H1-2: variants seen among roughly 807,000 people sequenced by gnomAD.
The protein encoded by H1-2 is histone H1.2.
A neutral mutation model predicts 7.2 loss-of-function variants in H1-2; 7 were observed. The ratio of observed to expected loss-of-function variants is 0.97; its 90% CI spans 0.55 to 1.82. H1-2 has a LOEUF of 1.82. H1-2 is among the 40% of genes most tolerant of loss of function. H1-2 has a pLI of 0.00. For synonymous variants in H1-2, 300 were observed against 118.2 expected (o/e 2.54, Z -9.98); for missense variants, 703 against 276.6 (o/e 2.54, Z -10.94).
chr6:26,056,140 T>TC lies in H1-2; in HGVS notation c.288dup (p.Lys97GlufsTer10). 6.2e-7 allele frequency: 1 copy of TC among 1,614,238 alleles called. No homozygotes were observed. Among genetic ancestry groups the TC allele is most frequent in the Non-Finnish European group, 8.5e-7 (1 of 1,180,034 alleles). ...AAGGAGCCAGAAGCACCGGTGCCTT[T>TC]CGTTTGCACCAGAGTGCCCTTGCTC... On this transcript the variant is annotated frameshift_variant, in exon 1 of 1. Coordinates refer to ENST00000343677, the MANE Select transcript of H1-2 (RefSeq NM_005319.4). LOFTEE classifies it high-confidence loss of function.
At position 26,056,220 on chromosome 6, in the gene H1-2, C is replaced by G. The variant is rs1288796783; in HGVS notation, c.209G>C (p.Gly70Ala). Residue 70 changes from glycine to alanine, a missense_variant, in exon 1 of 1, where the codon GGC (glycine) becomes GCC (alanine). By Grantham distance (60) the Gly-to-Ala change is moderately conservative (BLOSUM62 0). Coordinates refer to ENST00000343677, the MANE Select transcript of H1-2 (RefSeq NM_005319.4). ...AALKKALAAA[G>A]YDVEKNNSRI... ...GCTGTTGTTTTTCTCCACATCATAG[C>G]CGGCGGCAGCCAACGCTTTTTTCAG... 5.0e-6 allele frequency: 8 copies of G among 1,614,112 alleles called. No individual in the cohort carries two copies. The highest frequency in any genetic ancestry group is 1.3e-5 in the African/African-American group (1 of 74,944).
At position 26,056,098 on chromosome 6, in the gene H1-2, C is replaced by T. The variant is rs201575995; in HGVS notation, c.331G>A (p.Ala111Thr). ...ASGSFKLNKK[A>T]ASGEAKPKVK... ...TTGGGCTTGGCTTCCCCGGAGGCTG[C>T]CTTCTTGTTGAGTTTAAAGGAGCCA... The change falls in exon 1 of 1, where the codon GCA (alanine) becomes ACA (threonine). Residue 111 changes from alanine (A) to threonine (T), a missense_variant. Coordinates refer to ENST00000343677, the MANE Select transcript of H1-2 (RefSeq NM_005319.4). 6.2e-7 allele frequency: 1 copy of T among 1,614,194 alleles called. No individual in the cohort carries two copies. Among genetic ancestry groups the T allele is most frequent in the Non-Finnish European group, 8.5e-7 (1 of 1,180,036 alleles).
rs1362902327 is a variant in H1-2 at position 26,056,128 on chromosome 6, C to T, written c.301G>A (p.Ala101Thr). The change falls in exon 1 of 1, where the codon GCT (alanine) becomes ACT (threonine). Residue 101 changes from alanine (A) to threonine (T), a missense_variant. Coordinates refer to ENST00000343677, the MANE Select transcript of H1-2 (RefSeq NM_005319.4). ...GTLVQTKGTG[A>T]SGSFKLNKKA... ...TTGTTGAGTTTAAAGGAGCCAGAAG[C>T]ACCGGTGCCTTTCGTTTGCACCAGA... 4.3e-6 allele frequency: 7 copies of T among 1,614,252 alleles called. No homozygotes were observed. Among genetic ancestry groups the T allele is most frequent in the East Asian group, 2.2e-5 (1 of 44,886 alleles).
Position 26,055,819 on chromosome 6 carries a change from T to C in H1-2, c.610A>G (p.Lys204Glu), listed in dbSNP as rs554188586. 3 of 1,604,650 alleles carry C rather than the reference T, an allele frequency of 1.9e-6. No homozygotes were observed. The highest frequency in any genetic ancestry group is 2.5e-6 in the Non-Finnish European group (3 of 1,177,456). Reference sequence around the variant, plus strand: ...TTCTTGGGCGCCGCCTTCTTAGGCTTGACAACCTTGGGCTTAGCGGCCTTG... The same window carrying C: ...TTCTTGGGCGCCGCCTTCTTAGGCTCGACAACCTTGGGCTTAGCGGCCTTG... Reference protein sequence around the residue: ...KPKAAKPKVVKPKKAAPKKK With the variant: ...KPKAAKPKVVEPKKAAPKKK The change falls in exon 1 of 1, where the codon AAG becomes GAG. Residue 204 changes from lysine to glutamate, a missense_variant. Transcript: ENST00000343677.
rs141268909 is a variant in H1-2, at chr6:26,056,105, G to T, written c.324C>A (p.Asn108Lys). 4.3e-6 allele frequency: 7 copies of T among 1,614,202 alleles called. 1 individual carries two copies. In the South Asian group the frequency reaches 7.7e-5, roughly 18 times the overall value. The change falls in exon 1 of 1, where the codon AAC becomes AAA. Residue 108 changes from asparagine (N) to lysine (K), a missense_variant. Asn to Lys is a moderately conservative substitution (Grantham distance 94). Transcript: ENST00000343677. ...GTGASGSFKL[N>K]KKAASGEAKP... is the part of the protein sequence containing the mutation. Reference sequence around the variant, plus strand: ...TGGCTTCCCCGGAGGCTGCCTTCTTGTTGAGTTTAAAGGAGCCAGAAGCAC... The same window carrying T: ...TGGCTTCCCCGGAGGCTGCCTTCTTTTTGAGTTTAAAGGAGCCAGAAGCAC...
In H1-2 at chr6:26,056,141, C is replaced by G. The variant is rs555588749; in HGVS notation, c.288G>C (p.Thr96=). 1.9e-6 allele frequency: 3 copies of G among 1,614,108 alleles called. No individual in the cohort carries two copies. The highest frequency in any genetic ancestry group is 2.2e-5 in the South Asian group (2 of 91,092). The part of the protein sequence containing the change: ...SLVSKGTLVQ[T]KGTGASGSFK... ...AGGAGCCAGAAGCACCGGTGCCTTT[C>G]GTTTGCACCAGAGTGCCCTTGCTCA... The change falls in exon 1 of 1, where the codon ACG becomes ACC. Residue 96 remains threonine, a synonymous_variant. Transcript: ENST00000343677.
chr6:26,056,179 G>C lies in H1-2; in HGVS notation c.250C>G (p.Leu84Val), dbSNP rs775127223. The C allele has an allele frequency of 1.2e-6, 2 of 1,614,226 alleles. No homozygotes were observed. The highest frequency in any genetic ancestry group is 1.3e-5 in the African/African-American group (1 of 75,060). ...EKNNSRIKLG[L>V]KSLVSKGTLV... is the part of the protein sequence containing the mutation. ...GTGCCCTTGCTCACCAGGCTCTTGA[G>C]ACCAAGTTTGATACGGCTGTTGTTT... is the stretch of plus-strand genomic sequence containing the variant. Residue 84 changes from leucine to valine, a missense_variant, in exon 1 of 1, where the codon CTC becomes GTC. Leu to Val is a conservative substitution (Grantham distance 32). Transcript: ENST00000343677.
In H1-2 at chr6:26,056,216, A is replaced by T. The variant is rs1435515771; in HGVS notation, c.213T>A (p.Tyr71Ter). The change falls in exon 1 of 1, where the codon TAT becomes TAA. Residue 71 changes from tyrosine (Y) to a stop codon, truncating the protein, a stop_gained. Coordinates refer to ENST00000343677, the MANE Select transcript of H1-2 (RefSeq NM_005319.4). LOFTEE classifies it high-confidence loss of function. ...ALKKALAAAG[Y>*]DVEKNNSRIK... Reference sequence around the variant, plus strand: ...TACGGCTGTTGTTTTTCTCCACATCATAGCCGGCGGCAGCCAACGCTTTTT... The same window carrying T: ...TACGGCTGTTGTTTTTCTCCACATCTTAGCCGGCGGCAGCCAACGCTTTTT... 1 of 1,614,056 alleles carries T rather than the reference A, an allele frequency of 6.2e-7. No homozygotes were observed. The highest frequency in any genetic ancestry group is 1.3e-5 in the African/African-American group (1 of 74,932).
Position 26,056,469 on chromosome 6 carries a change from A to T in H1-2, c.-41T>A, listed in dbSNP as rs780877147. On this transcript the variant is annotated 5_prime_UTR_variant, in exon 1 of 1. Transcript: ENST00000343677. ...CTCGGGTACAAGTGGCAAAGCGCCG[A>T]TGAAGCAGCGCCTGGGCAGGGCCGC... The T allele has an allele frequency of 6.5e-7, 1 of 1,535,658 alleles. No individual in the cohort carries two copies. The highest frequency in any genetic ancestry group is 8.7e-7 in the Non-Finnish European group (1 of 1,146,576).
Position 26,055,827 on chromosome 6 carries a change from T to G in H1-2, c.602A>C (p.Lys201Thr). Residue 201 changes from lysine to threonine, a missense_variant, in exon 1 of 1, where the codon AAG (lysine) becomes ACG (threonine). Transcript: ENST00000343677. ...CGCCGCCTTCTTAGGCTTGACAACCTTGGGCTTAGCGGCCTTGGGCTTCAC... is the reference window on the plus strand; with the variant it reads ...CGCCGCCTTCTTAGGCTTGACAACCGTGGGCTTAGCGGCCTTGGGCTTCAC... ...KAVKPKAAKP[K>T]VVKPKKAAPK... The G allele has an allele frequency of 6.2e-7, 1 of 1,611,620 alleles. No individual in the cohort carries two copies. The highest frequency in any genetic ancestry group is 8.5e-7 in the Non-Finnish European group (1 of 1,179,222).
In H1-2 at chr6:26,056,094, G is replaced by T. The variant is rs147786267; in HGVS notation, c.335C>A (p.Ala112Asp). Residue 112 changes from alanine to aspartate, a missense_variant, in exon 1 of 1, where the codon GCC (alanine) becomes GAC (aspartate). Ala to Asp is a moderately radical substitution (Grantham distance 126). Transcript: ENST00000343677. ...AACCTTGGGCTTGGCTTCCCCGGAG[G>T]CTGCCTTCTTGTTGAGTTTAAAGGA... ...SGSFKLNKKA[A>D]SGEAKPKVKK... 6.2e-7 allele frequency: 1 copy of T among 1,614,196 alleles called. No homozygotes were observed. Among genetic ancestry groups the T allele is most frequent in the East Asian group, 2.2e-5 (1 of 44,874 alleles).
chr6:26,055,793 C>G lies in H1-2; in HGVS notation c.636G>C (p.Lys212Asn), dbSNP rs987043105. ...VVKPKKAAPK[K>N]K ...TTTAGAAGTAGGCGTTCGCCTATTT[C>G]TTCTTGGGCGCCGCCTTCTTAGGCT... Residue 212 changes from lysine to asparagine, a missense_variant, in exon 1 of 1, where the codon AAG (lysine) becomes AAC (asparagine). Transcript: ENST00000343677. 6.3e-7 allele frequency: 1 copy of G among 1,592,562 alleles called. No homozygotes were observed.
At position 26,055,978 on chromosome 6, in the gene H1-2, C is replaced by T. The variant is rs1486283762; in HGVS notation, c.451G>A (p.Ala151Thr). ...TTCGCTTTCTTCGGTGTTTTCTTAG[C>T]GCTCTTCTTCGGAGTTGCGCCGCCA... ...AAGGATPKKS[A>T]KKTPKKAKKP... The change falls in exon 1 of 1, where the codon GCT becomes ACT. Residue 151 changes from alanine (A) to threonine (T), a missense_variant. By Grantham distance (58) the Ala-to-Thr change is moderately conservative. Transcript: ENST00000343677. 3 of 1,613,976 alleles carry T rather than the reference C, an allele frequency of 1.9e-6. No individual in the cohort carries two copies. Among genetic ancestry groups the T allele is most frequent in the South Asian group, 1.1e-5 (1 of 91,072 alleles).
rs544173349 is a variant in H1-2, at chr6:26,056,468, G to C, written c.-40C>G. On this transcript the variant is annotated 5_prime_UTR_variant, in exon 1 of 1. It adds an upstream start codon to the 5' untranslated region. Transcript: ENST00000343677. ...ACTCGGGTACAAGTGGCAAAGCGCC[G>C]ATGAAGCAGCGCCTGGGCAGGGCCG... is the stretch of plus-strand genomic sequence containing the variant. 3 of 1,536,044 alleles carry C rather than the reference G, an allele frequency of 2.0e-6. No homozygotes were observed. Among genetic ancestry groups the C allele is most frequent in the South Asian group, 2.6e-5 (2 of 77,246 alleles).
chr6:26,055,806 G>C lies in H1-2; in HGVS notation c.623C>G (p.Ala208Gly), dbSNP rs748044967. Residue 208 changes from alanine to glycine, a missense_variant, in exon 1 of 1, where the codon GCG becomes GGG. By Grantham distance (60) the Ala-to-Gly change is moderately conservative. Transcript: ENST00000343677. ...GTTCGCCTATTTCTTCTTGGGCGCCGCCTTCTTAGGCTTGACAACCTTGGG... is the reference window on the plus strand; with the variant it reads ...GTTCGCCTATTTCTTCTTGGGCGCCCCCTTCTTAGGCTTGACAACCTTGGG... ...AKPKVVKPKK[A>G]APKKK 6.3e-7 allele frequency: 1 copy of C among 1,592,752 alleles called. No individual in the cohort carries two copies. The highest frequency in any genetic ancestry group is 1.1e-5 in the South Asian group (1 of 86,998).
At position 26,055,948 on chromosome 6, in the gene H1-2, G is replaced by C. The variant is rs202109685; in HGVS notation, c.481C>G (p.Pro161Ala). 6.2e-7 allele frequency: 1 copy of C among 1,614,102 alleles called. No individual in the cohort carries two copies. Among genetic ancestry groups the C allele is most frequent in the African/African-American group, 1.3e-5 (1 of 75,016 alleles). The change falls in exon 1 of 1, where the codon CCG becomes GCG. Residue 161 changes from proline to alanine, a missense_variant. Pro to Ala is a conservative substitution (Grantham distance 27). Transcript: ENST00000343677. Reference protein sequence around the residue: ...AKKTPKKAKKPAAATVTKKVA... With the variant: ...AKKTPKKAKKAAAATVTKKVA... ...TTCTTGGTTACAGTGGCCGCGGCCG[G>C]CTTCTTCGCTTTCTTCGGTGTTTTC... is the stretch of plus-strand genomic sequence containing the variant.
rs1761903930 is a variant in H1-2, at chr6:26,055,852, C to T, written c.577G>A (p.Val193Met). 6 of 1,613,864 alleles carry T rather than the reference C, an allele frequency of 3.7e-6. No homozygotes were observed. Among genetic ancestry groups the T allele is most frequent in the Non-Finnish European group, 5.1e-6 (6 of 1,179,922 alleles). ...TTGGGCTTAGCGGCCTTGGGCTTCA[C>T]AGCCTTAGCAGCACTTTTGGCAGCT... The part of the protein sequence containing the change: ...KKAAKSAAKA[V>M]KPKAAKPKVV... Residue 193 changes from valine to methionine, a missense_variant, in exon 1 of 1, where the codon GTG becomes ATG. Transcript: ENST00000343677.
rs61742489 is a variant in H1-2 at position 26,055,947 on chromosome 6, G to A, written c.482C>T (p.Pro161Leu). Residue 161 changes from proline (P) to leucine (L), a missense_variant, in exon 1 of 1, where the codon CCG becomes CTG. Transcript: ENST00000343677. ...AKKTPKKAKK[P>L]AAATVTKKVA... The stretch of plus-strand genomic sequence containing the variant: ...TTTCTTGGTTACAGTGGCCGCGGCC[G>A]GCTTCTTCGCTTTCTTCGGTGTTTT... The A allele has an allele frequency of 2.0e-5, 32 of 1,613,972 alleles. No homozygotes were observed. Among genetic ancestry groups the A allele is most frequent in the African/African-American group, 4.0e-5 (3 of 74,888 alleles).
At position 26,056,466 on chromosome 6, in the gene H1-2, C is replaced by T. The variant is rs1353852117; in HGVS notation, c.-38G>A. On this transcript the variant is annotated 5_prime_UTR_variant, in exon 1 of 1. Transcript: ENST00000343677. ...AAACTCGGGTACAAGTGGCAAAGCG[C>T]CGATGAAGCAGCGCCTGGGCAGGGC... 5.2e-6 allele frequency: 8 copies of T among 1,537,442 alleles called. No individual in the cohort carries two copies. Among genetic ancestry groups the T allele is most frequent in the South Asian group, 2.6e-5 (2 of 77,592 alleles).
Sources: gnomAD v4.1 joint callset for allele counts on GRCh38, gnomAD v4.1.1 for gene constraint, MANE v1.5 for transcripts, NCBI Gene and HGNC (gene_info 2026-07-23, HGNC 2026-07-21) for gene names.